DTNB: variants seen among roughly 807,000 people sequenced by gnomAD.
DTNB encodes dystrobrevin beta.
A neutral mutation model predicts 90.7 loss-of-function variants in DTNB; 63 were observed. The ratio of observed to expected loss-of-function variants is 0.69; its 90% confidence interval spans 0.57 to 0.86. The LOEUF (loss-of-function observed/expected upper bound fraction) is 0.86. Among genes scored for constraint, DTNB ranks in the 40% least tolerant of loss-of-function variants. The probability of loss-of-function intolerance (pLI) is 0.00; values close to 1 mark genes in which losing one functional copy is unlikely to be tolerated. For synonymous variants in DTNB, 277 were observed against 286.7 expected, an observed-to-expected ratio of 0.97 and a Z score of 0.34; for missense variants, 744 against 807.1, an observed-to-expected ratio of 0.92 and a Z score of 0.95.
chr2:25,558,412 A>G, intron 8 of DTNB: 1 of 985,426 alleles, frequency 1.0e-6, no homozygotes, highest in Non-Finnish European at 1.2e-6. Context: ...GGCCATCTGC[A>G]AGAACAAAAA....
At chr2:25,500,171 T>C (rs2070182723) in intron 9 of DTNB, among the ~76,000 whole-genome samples, 1 of 152,142 alleles carries the variant, frequency 6.6e-6, no homozygotes. Flanking sequence ...AAAGTGCTGG[T>C]ACTACAGGAG....
At chr2:25,386,162 TTAAC>T in intron 18 of DTNB, 1 of 968,000 alleles carries the variant, frequency 1.0e-6, no homozygotes, top group Non-Finnish European at 1.2e-6. Flanking sequence ...GCGTCTGACC[TTAAC>T]TGACTGGAAA....
intron 10 of DTNB, among the ~76,000 whole-genome samples, chr2:25,477,975 A>G (rs1176043927): frequency 6.7e-6 from 1 of 149,532 alleles, no homozygotes; most frequent in African/African-American, 2.5e-5. Flanking sequence ...TTTTGTTGCT[A>G]TTGTTTCTCT....
intron 6 of DTNB, among the ~76,000 whole-genome samples, chr2:25,587,247 C>T (rs2062620907): frequency 6.6e-6 from 1 of 152,054 alleles, no homozygotes; most frequent in Admixed American, 6.6e-5. Flanking sequence ...AACTGTATTG[C>T]AAAATGATGA....
intron 4 of DTNB, among the ~76,000 whole-genome samples, chr2:25,618,779 A>G (rs924585944): frequency 2.0e-5 from 3 of 152,200 alleles, no homozygotes; most frequent in Non-Finnish European, 4.4e-5. Context: ...AGTAAGGGAC[A>G]TGATGATCCC....
At chr2:25,593,584 G>A (rs761912344) in intron 6 of DTNB, among the ~76,000 whole-genome samples, 5 of 151,962 alleles carry the variant, frequency 3.3e-5, no homozygotes, top group Admixed American at 6.6e-5. Flanking sequence ...AATGCAGATT[G>A]ATTTTTTTTT....
intron 5 of DTNB, among the ~76,000 whole-genome samples, chr2:25,599,919 G>A (rs192663926): frequency 1.0e-3 from 153 of 147,162 alleles, no homozygotes; most frequent in African/African-American, 3.7e-3. Flanking sequence ...CAAGATAGCA[G>A]GACCTTGTCT....
At position 25,482,933 on chromosome 2, in the gene DTNB, C is replaced by T. The variant is rs368074459; in HGVS notation, c.1002-60G>A. 1.1e-4 allele frequency: 164 copies of T among 1,492,986 alleles called. No individual in the cohort carries two copies. In the African/African-American group the frequency reaches 1.7e-3, roughly 16 times the overall value. 92.5% of individuals were successfully genotyped at this position (1,492,986 alleles called of 1,614,324 possible). A position where few individuals can be genotyped will look rare whatever the true frequency, so the allele number is the denominator to read the frequency against. On this transcript the variant is annotated intron_variant, in intron 9 of 20. Transcript: ENST00000406818. ...GACCAACTAGGGGAAACAAGGGAAA[C>T]GACGATAAGCATGGTAAGAGCAAAG...
At chr2:25,583,785 C>T (rs1015367217) in intron 6 of DTNB, among the ~76,000 whole-genome samples, 4 of 152,090 alleles carry the variant, frequency 2.6e-5, no homozygotes, top group Admixed American at 2.6e-4. Flanking sequence ...TCCCAAAGTG[C>T]TGGGATTACA....
chr2:25,650,960 C>CAA (rs780874628), intron 2 of DTNB, among the ~76,000 whole-genome samples: 3 of 119,774 alleles, frequency 2.5e-5, no homozygotes, highest in Admixed American at 8.3e-5. Context: ...GACTCCCTCT[C>CAA]AAAAAAAAAA....
intron 9 of DTNB, among the ~76,000 whole-genome samples, chr2:25,512,445 G>T (rs1204816748): frequency 6.6e-6 from 1 of 152,172 alleles, no homozygotes; most frequent in Admixed American, 6.6e-5. Flanking sequence ...CATGGAATCT[G>T]CCAGGCACTA....
At chr2:25,392,937 A>G (rs2041538431) in intron 16 of DTNB, among the ~76,000 whole-genome samples, 1 of 152,206 alleles carries the variant, frequency 6.6e-6, no homozygotes, top group African/African-American at 2.4e-5. Context: ...GGAAGGACAT[A>G]ACAAAACAAG....
chr2:25,397,175 A>G (rs1309015488), intron 16 of DTNB, among the ~76,000 whole-genome samples: 9 of 152,042 alleles, frequency 5.9e-5, no homozygotes. Flanking sequence ...AAATGTTCAT[A>G]GCAGCGTTAT....
At chr2:25,420,508 ATCTATCTATCTATCTGTCTG>A (rs142141399) in intron 15 of DTNB, among the ~76,000 whole-genome samples, 10,328 of 122,880 alleles carry the variant, frequency 0.084, 472 homozygotes, top group Middle Eastern at 0.14. Flanking sequence ...CTATCTATCT[ATCTATCTATCTATCTGTCTG>A]TCTATCGACA....
intron 3 of DTNB, among the ~76,000 whole-genome samples, chr2:25,637,133 A>G (rs183713669): frequency 9.2e-5 from 14 of 152,250 alleles, no homozygotes; most frequent in African/African-American, 1.9e-4. Flanking sequence ...AATAAATGGT[A>G]CTGGGAAAAC....
intron 9 of DTNB, among the ~76,000 whole-genome samples, chr2:25,503,847 G>A (rs1369738756): frequency 6.6e-6 from 1 of 152,016 alleles, no homozygotes; most frequent in Non-Finnish European, 1.5e-5. Flanking sequence ...AACCCTGGAG[G>A]TGGAGCTTGC....
chr2:25,649,314 A>G (rs889478750), intron 2 of DTNB, among the ~76,000 whole-genome samples: 5 of 151,992 alleles, frequency 3.3e-5, no homozygotes, highest in African/African-American at 1.2e-4. Flanking sequence ...CATCCTTCCT[A>G]CTTTTCAATA....
intron 7 of DTNB, among the ~76,000 whole-genome samples, chr2:25,577,586 A>G (rs900887993): frequency 1.3e-5 from 2 of 152,228 alleles, no homozygotes; most frequent in African/African-American, 2.4e-5. Context: ...AATCATTCCA[A>G]TGTACTATCA....
chr2:25,551,348 T>G (rs2151106656), intron 8 of DTNB, among the ~76,000 whole-genome samples: 1 of 152,350 alleles, frequency 6.6e-6, no homozygotes, highest in African/African-American at 2.4e-5. Flanking sequence ...CTGCTTTTGA[T>G]ATTTCATATG....
Sources: gnomAD v4.1 joint callset for allele counts (sites outside exome capture counted in the v4.1 genomes callset) on GRCh38, gnomAD v4.1.1 for gene constraint, MANE v1.5 for transcripts, NCBI Gene and HGNC (gene_info 2026-07-23, HGNC 2026-07-21) for gene names.